GOLT1B: variants seen among roughly 807,000 people sequenced by gnomAD.
GOLT1B encodes the protein golgi transport 1B.
A neutral mutation model predicts 15.4 loss-of-function variants in GOLT1B; 3 were observed. The ratio of observed to expected loss-of-function variants is 0.19; its 90% confidence interval spans 0.09 to 0.50. The LOEUF (loss-of-function observed/expected upper bound fraction) is 0.50, where lower values mean the gene tolerates loss of function less well. Ranked by LOEUF, GOLT1B falls within the 20% of genes least tolerant of loss-of-function variation. The probability of loss-of-function intolerance (pLI) is 0.97; values close to 1 mark genes in which losing one functional copy is unlikely to be tolerated. For synonymous variants in GOLT1B, 65 were observed against 56.2 expected, an observed-to-expected ratio of 1.16 and a Z score of -0.70; for missense variants, 145 against 160.4, an observed-to-expected ratio of 0.90 and a Z score of 0.52.
chr12:21,517,854 A>T lies in GOLT1B; in HGVS notation c.*2147A>T, dbSNP rs944423730. ...TTTTTAAACATACTAGTCTGCTGATAGAAAGCACTATACATCCTATTGTTT... is the reference window on the plus strand; with the variant it reads ...TTTTTAAACATACTAGTCTGCTGATTGAAAGCACTATACATCCTATTGTTT... On this transcript the variant is annotated 3_prime_UTR_variant, in exon 5 of 5. Transcript: ENST00000229314. 5.2e-5 allele frequency: 8 copies of T among 152,566 alleles called. No homozygotes were observed. The highest frequency in any genetic ancestry group is 1.4e-4 in the African/African-American group (6 of 41,454). The allele number at this position is 152,566 out of a possible 1,614,324, so 9.5% of individuals were successfully genotyped here. A position where few individuals can be genotyped will look rare whatever the true frequency, so the allele number is the denominator to read the frequency against.
intron 1 of GOLT1B, 120 bp downstream of exon 1, chr12:21,502,068 CAG>C: frequency 2.6e-6 from 2 of 765,348 alleles, no homozygotes; most frequent in Non-Finnish European, 4.7e-6. Flanking sequence ...GCCTGCGAGA[CAG>C]AGCTAGGGCT....
intron 3 of GOLT1B, among the ~76,000 whole-genome samples, chr12:21,509,551 A>G (rs556518090): frequency 5.3e-4 from 80 of 152,218 alleles, no homozygotes; most frequent in Admixed American, 9.8e-4. Flanking sequence ...TAAGTACCAA[A>G]TCTGCTTTAG....
chr12:21,504,095 G>T (rs1047606641), intron 1 of GOLT1B, among the ~76,000 whole-genome samples: 1 of 152,186 alleles, frequency 6.6e-6, no homozygotes, highest in Admixed American at 6.5e-5. Context: ...TGCTAACAGT[G>T]TTTGCCATTA....
chr12:21,503,505 G>A (rs1184218052), intron 1 of GOLT1B, among the ~76,000 whole-genome samples: 1 of 152,186 alleles, frequency 6.6e-6, no homozygotes, highest in Non-Finnish European at 1.5e-5. Flanking sequence ...TTAATATAGT[G>A]ATGAGTGCCT....
At chr12:21,515,317 C>T in intron 4 of GOLT1B, 1 of 908,568 alleles carries the variant, frequency 1.1e-6, no homozygotes, top group Non-Finnish European at 1.7e-6. Flanking sequence ...GAATGGCTGA[C>T]ATTTCAGTTT....
chr12:21,509,921 T>G (rs2136807271), intron 3 of GOLT1B, among the ~76,000 whole-genome samples: 1 of 152,328 alleles, frequency 6.6e-6, no homozygotes, highest in East Asian at 1.9e-4. Flanking sequence ...AAACTTTCTT[T>G]GATGACTTGT....
intron 2 of GOLT1B, among the ~76,000 whole-genome samples, chr12:21,507,514 A>ATGTGTGTGTGTG (rs148998436): frequency 8.0e-4 from 118 of 147,590 alleles, no homozygotes; most frequent in Non-Finnish European, 1.3e-3. Flanking sequence ...AAGACACTGT[A>ATGTGTGTGTGTG]TGTGTGTGTG....
intron 2 of GOLT1B, among the ~76,000 whole-genome samples, chr12:21,507,551 C>CAT (rs1440696679): frequency 6.6e-6 from 1 of 150,718 alleles, no homozygotes; most frequent in Non-Finnish European, 1.5e-5. Context: ...TACACACACA[C>CAT]ATATATATTT....
chr12:21,507,081 A>G (rs765835380), intron 2 of GOLT1B, 105 bp downstream of exon 2: 7 of 679,046 alleles, frequency 1.0e-5, no homozygotes, highest in African/African-American at 5.3e-5. Flanking sequence ...ACTATTACTC[A>G]TAAGTAATTC....
chr12:21,510,498 G>C (rs756774054), intron 3 of GOLT1B, among the ~76,000 whole-genome samples: 1 of 152,196 alleles, frequency 6.6e-6, no homozygotes, highest in Non-Finnish European at 1.5e-5. Flanking sequence ...GTGGTTTAGA[G>C]AGCTTTGTGG....
intron 4 of GOLT1B, 103 bp downstream of exon 4, chr12:21,512,479 A>G: frequency 1.4e-6 from 1 of 711,126 alleles, no homozygotes. Flanking sequence ...TGAGTTTTGT[A>G]TTATGATATA....
intron 2 of GOLT1B, 91 bp from the exon 3 acceptor site, chr12:21,508,292 T>G (rs1195641255): frequency 2.5e-6 from 2 of 790,232 alleles, no homozygotes; most frequent in East Asian, 2.7e-5. Flanking sequence ...CAAATGTGCT[T>G]CTTTTTTTAT....
intron 2 of GOLT1B, chr12:21,507,345 T>TA (rs1943685948): frequency 4.8e-6 from 1 of 208,958 alleles, no homozygotes; most frequent in Non-Finnish European, 9.8e-6. Flanking sequence ...TTCAGCTGCA[T>TA]AAGATAGATT....
At chr12:21,515,243 A>T (rs1423055548) in intron 4 of GOLT1B, 1 of 1,460,592 alleles carries the variant, frequency 6.8e-7, no homozygotes, top group East Asian at 2.5e-5. Context: ...CAAAGACTAC[A>T]TAGGCCCAGA....
chr12:21,515,387 A>C (rs1045944508), intron 4 of GOLT1B: 1 of 595,876 alleles, frequency 1.7e-6, no homozygotes, highest in Non-Finnish European at 2.9e-6. Context: ...CATCTTATAC[A>C]ATTTCTTTAT....
chr12:21,502,374 G>C (rs985753012), intron 1 of GOLT1B, among the ~76,000 whole-genome samples: 4 of 152,158 alleles, frequency 2.6e-5, no homozygotes, highest in Non-Finnish European at 1.5e-5. Context: ...TGGCTGGCTG[G>C]TTATTTGGGA....
rs558789451 is a variant in GOLT1B at position 21,518,388 on chromosome 12, C to T, written c.*2681C>T. The stretch of plus-strand genomic sequence containing the variant: ...GTAAAATAAAGTCACTTACCTTGGG[C>T]AATATGCTATTTTTTAAAAATCAGA... On this transcript the variant is annotated 3_prime_UTR_variant, in exon 5 of 5. Transcript: ENST00000229314. The T allele has an allele frequency of 1.3e-5, 2 of 152,086 alleles. No homozygotes were observed. The highest frequency in any genetic ancestry group is 3.9e-4 in the East Asian group (2 of 5,154). 9.4% of individuals were successfully genotyped at this position (152,086 alleles called of 1,614,324 possible).
At chr12:21,502,313 C>G (rs1371463067) in intron 1 of GOLT1B, among the ~76,000 whole-genome samples, 2 of 152,200 alleles carry the variant, frequency 1.3e-5, no homozygotes, top group Non-Finnish European at 2.9e-5. Flanking sequence ...CCGCGGCCCA[C>G]TCTCGGGATC....
At chr12:21,511,719 A>G (rs1943721372) in intron 3 of GOLT1B, among the ~76,000 whole-genome samples, 1 of 152,252 alleles carries the variant, frequency 6.6e-6, no homozygotes, top group Non-Finnish European at 1.5e-5. Context: ...CAGTATCACT[A>G]CATATTTTAA....
Sources: gnomAD v4.1 joint callset for allele counts (sites outside exome capture counted in the v4.1 genomes callset) on GRCh38, gnomAD v4.1.1 for gene constraint, MANE v1.5 for transcripts, NCBI Gene and HGNC (gene_info 2026-07-23, HGNC 2026-07-21) for gene names.